Variants in STYXL1 observed in about 807,000 individuals in gnomAD.
STYXL1 encodes serine/threonine/tyrosine-interacting-like protein 1.
In STYXL1, 32 loss-of-function variants were observed where a neutral mutation model predicts 36.4. That is an observed-to-expected ratio of 0.88 (90% CI 0.66 to 1.18). The LOEUF (loss-of-function observed/expected upper bound fraction) is 1.18, where lower values mean the gene tolerates loss of function less well. Ranked by LOEUF, STYXL1 falls within the 50% of genes most tolerant of loss-of-function variation. STYXL1 has a pLI of 0.00. For missense variants in STYXL1, 354 were observed against 394.1 expected (o/e 0.90, Z 0.86); for synonymous variants, 133 against 144.1 (o/e 0.92, Z 0.55).
rs782741343 is a variant in STYXL1, at chr7:76,013,736, C to T, written c.453+6G>A. Reference sequence around the variant, plus strand: ...GGGCCTGCCTGTGCTCAGCATTTGGCCCTACCTGAGGCATCCAGATGATCT... The same window carrying T: ...GGGCCTGCCTGTGCTCAGCATTTGGTCCTACCTGAGGCATCCAGATGATCT... On this transcript the variant is annotated splice_donor_region_variant and intron_variant, in intron 5 of 8. Transcript: ENST00000359697. 2.5e-6 allele frequency: 4 copies of T among 1,613,782 alleles called. No individual in the cohort carries two copies. The South Asian group carries it at 4.4e-5, about 18-fold the overall frequency.
At chr7:76,033,712 G>A (rs1227788111) in intron 1 of STYXL1, among the ~76,000 whole-genome samples, 1 of 152,112 alleles carries the variant, frequency 6.6e-6, no homozygotes, top group Non-Finnish European at 1.5e-5. Context: ...CCTTCCTGTT[G>A]ACATGCAAAC....
At chr7:76,047,568 G>C (rs940904970) in intron 1 of STYXL1, 94 bp downstream of exon 1, 1 of 159,116 alleles carries the variant, frequency 6.3e-6, no homozygotes, top group South Asian at 1.6e-4. Flanking sequence ...CTGAACCCAA[G>C]GGTCTCTGCA....
chr7:76,016,462 T>C (rs1441953867), intron 4 of STYXL1, among the ~76,000 whole-genome samples: 4 of 151,336 alleles, frequency 2.6e-5, no homozygotes, highest in Admixed American at 1.3e-4. Context: ...CATATATACA[T>C]ATATACGCAT....
chr7:76,005,656 G>A (rs1472247666), intron 5 of STYXL1, among the ~76,000 whole-genome samples: 7 of 152,064 alleles, frequency 4.6e-5, no homozygotes, highest in Non-Finnish European at 7.4e-5. Context: ...CATTCCCTCC[G>A]TGGCAACTGT....
intron 1 of STYXL1, chr7:76,045,605 G>A (rs1226642793): frequency 2.0e-5 from 3 of 152,328 alleles, no homozygotes; most frequent in Non-Finnish European, 4.4e-5. Context: ...GCTGAGGCAG[G>A]AGAACTGCGT....
In STYXL1 at chr7:76,028,632, G is replaced by C; in HGVS notation, c.165+10C>G. On this transcript the variant is annotated intron_variant, in intron 3 of 8. Coordinates refer to ENST00000359697, the MANE Select transcript of STYXL1 (RefSeq NM_001317785.2). ...CCAGCCTGCCCCAGATCCTGACGCTGCCCATGTACCTTCTTCACTCGAAGG... is the reference window on the plus strand; with the variant it reads ...CCAGCCTGCCCCAGATCCTGACGCTCCCCATGTACCTTCTTCACTCGAAGG... The C allele has an allele frequency of 6.2e-7, 1 of 1,613,566 alleles. No homozygotes were observed. The highest frequency in any genetic ancestry group is 1.1e-5 in the South Asian group (1 of 90,948).
chr7:76,043,447 C>T (rs1796669343), intron 1 of STYXL1, among the ~76,000 whole-genome samples: 2 of 151,860 alleles, frequency 1.3e-5, no homozygotes, highest in African/African-American at 2.4e-5. Flanking sequence ...AGCCGAGAAG[C>T]CATTTTAAAG....
chr7:76,002,971 T>A (rs552372313), intron 7 of STYXL1, among the ~76,000 whole-genome samples: 1 of 152,306 alleles, frequency 6.6e-6, no homozygotes, highest in Non-Finnish European at 1.5e-5. Context: ...AATGCCATGC[T>A]CCAGCCCCTG....
chr7:76,002,595 T>C (rs3823882), intron 7 of STYXL1, among the ~76,000 whole-genome samples: 102,958 of 152,018 alleles, frequency 0.68, 35,156 homozygotes, highest in Middle Eastern at 0.76. Flanking sequence ...CCTCAGGCCC[T>C]GGTTGAGCAA....
chr7:76,013,950 A>G (rs1792927466), intron 4 of STYXL1, 63 bp from the exon 5 acceptor site: 1 of 1,469,950 alleles, frequency 6.8e-7, no homozygotes, highest in Non-Finnish European at 9.2e-7. Flanking sequence ...TAGAGCTGGG[A>G]TAGATGACCA....
Position 76,019,282 on chromosome 7 carries a change from C to CT in STYXL1, c.307+2568dup, listed in dbSNP as rs112308010. ...CAGCATGAACTCTAACTGTTTTTTT[C>CT]TTTTTTTTTTTTTTTTAAATACGTT... On this transcript the variant is annotated intron_variant, in intron 4 of 8. Coordinates refer to ENST00000359697, the MANE Select transcript of STYXL1 (RefSeq NM_001317785.2). Among the ~76,000 whole-genome samples, 283 of 136,536 alleles carry CT rather than the reference C, an allele frequency of 2.1e-3. 1 individual carries two copies. The highest frequency in any genetic ancestry group is 3.9e-3 in the Admixed American group (52 of 13,464). The allele number at this position is 136,536 out of a possible 152,430, so 89.6% of individuals were successfully genotyped here.
At chr7:76,024,648 CAAA>C (rs781809122) in intron 3 of STYXL1, among the ~76,000 whole-genome samples, 12 of 94,958 alleles carry the variant, frequency 1.3e-4, no homozygotes, top group Non-Finnish European at 2.2e-4. Flanking sequence ...AAAAACAAAA[CAAA>C]AAAAAGCCAT....
chr7:75,996,483 C>T lies in STYXL1; in HGVS notation c.927G>A (p.Met309Ile). The change falls in exon 9 of 9, where the codon ATG becomes ATA. Residue 309 changes from methionine to isoleucine, a missense_variant. Physicochemically the swap from Met to Ile is conservative, Grantham distance 10. Coordinates refer to ENST00000359697, the MANE Select transcript of STYXL1 (RefSeq NM_001317785.2). The stretch of plus-strand genomic sequence containing the variant: ...TCGGAGAAGATCAGTAGAGCGGATC[C>T]ATGATGTTTGTGATGGAATCTCCAA... ...TILGDSITNI[M>I]DPLY is the part of the protein sequence containing the mutation. 6.2e-7 allele frequency: 1 copy of T among 1,614,210 alleles called. No homozygotes were observed. The highest frequency in any genetic ancestry group is 8.5e-7 in the Non-Finnish European group (1 of 1,180,044).
chr7:76,009,222 C>G (rs1050139541), intron 5 of STYXL1, among the ~76,000 whole-genome samples: 2 of 152,000 alleles, frequency 1.3e-5, no homozygotes, highest in African/African-American at 4.8e-5. Context: ...AATGAATATG[C>G]CCGAACTGGG....
At chr7:76,041,626 C>T (rs1170546350) in intron 1 of STYXL1, among the ~76,000 whole-genome samples, 1 of 152,212 alleles carries the variant, frequency 6.6e-6, no homozygotes, top group African/African-American at 2.4e-5. Flanking sequence ...GCAGCCCTCA[C>T]CAGAAGCCGA....
rs1392620667 is a variant in STYXL1, at chr7:75,996,547, C to T, written c.863G>A (p.Gly288Glu). 6.2e-7 allele frequency: 1 copy of T among 1,614,116 alleles called. No homozygotes were observed. The highest frequency in any genetic ancestry group is 8.5e-7 in the Non-Finnish European group (1 of 1,180,056). Residue 288 changes from glycine (G) to glutamate (E), a missense_variant, in exon 9 of 9, where the codon GGA becomes GAA. Transcript: ENST00000359697. ...KCKNNMCPNR[G>E]LVSQLLEWEK... is the part of the protein sequence containing the mutation. ...CCATTCCAGCAGCTGGCTCACCAAT[C>T]CCCGATTTGGACACATGTTGTTTTT... is the stretch of plus-strand genomic sequence containing the variant.
In STYXL1 at chr7:75,996,471, G is replaced by A. The variant is rs1563450811; in HGVS notation, c.939C>T (p.Tyr313=). 1.2e-6 allele frequency: 2 copies of A among 1,614,202 alleles called. No individual in the cohort carries two copies. Among genetic ancestry groups the A allele is most frequent in the Non-Finnish European group, 1.7e-6 (2 of 1,180,028 alleles). Residue 313 remains tyrosine, a synonymous_variant, in exon 9 of 9, where the codon TAC becomes TAT. Transcript: ENST00000359697. Reference sequence around the variant, plus strand: ...CTTCGGTGGGCCTCGGAGAAGATCAGTAGAGCGGATCCATGATGTTTGTGA... The same window carrying A: ...CTTCGGTGGGCCTCGGAGAAGATCAATAGAGCGGATCCATGATGTTTGTGA... ...DSITNIMDPL[Y] is the part of the protein sequence containing the mutation.
At chr7:76,030,340 G>T in intron 2 of STYXL1, 81 bp downstream of exon 2, 3 of 994,916 alleles carry the variant, frequency 3.0e-6, no homozygotes, top group Non-Finnish European at 4.6e-6. Flanking sequence ...CCCCCACCCC[G>T]CCAAAAGTTT....
At position 76,043,912 on chromosome 7, in the gene STYXL1, A is replaced by G. The variant is rs1467146891; in HGVS notation, c.-5+3750T>C. 2.0e-5 allele frequency: 3 copies of G among 152,240 alleles called. No individual in the cohort carries two copies. In the East Asian group the frequency reaches 5.8e-4, roughly 29 times the overall value. 9.4% of individuals were successfully genotyped at this position (152,240 alleles called of 1,614,324 possible). On this transcript the variant is annotated intron_variant, in intron 1 of 8. Coordinates refer to ENST00000359697, the MANE Select transcript of STYXL1 (RefSeq NM_001317785.2). ...TGATTATTAACATGAACTGGACAGT[A>G]AGTCTGTCCTAGTAACCAGACACAA...
Sources: gnomAD v4.1 joint callset for allele counts (sites outside exome capture counted in the v4.1 genomes callset) on GRCh38, gnomAD v4.1.1 for gene constraint, MANE v1.5 for transcripts, NCBI Gene and HGNC (gene_info 2026-07-23, HGNC 2026-07-21) for gene names.